Variants in CADPS observed in about 807,000 individuals in gnomAD.
CADPS encodes the protein calcium dependent secretion activator, also known as calcium-dependent secretion activator 1.
Under a neutral mutation model 167.3 loss-of-function variants are expected in CADPS, and 57 were observed. The ratio of observed to expected loss-of-function variants is 0.34; its 90% CI spans 0.28 to 0.42. The LOEUF is 0.42. Ranked by LOEUF, CADPS falls within the 20% of genes least tolerant of loss-of-function variation. The pLI, the probability that CADPS is intolerant of heterozygous loss-of-function variation, is 1.00. For missense variants in CADPS, 1,414 were observed against 1,738.1 expected (o/e 0.81, Z 3.32); for synonymous variants, 676 against 635.3 (o/e 1.06, Z -0.96).
intron 17 of CADPS, among the ~76,000 whole-genome samples, chr3:62,511,265 G>GC (rs1577030902): frequency 6.6e-6 from 1 of 152,068 alleles, no homozygotes; most frequent in East Asian, 1.9e-4. Context: ...TGCCTACCTT[G>GC]CCATCATCAG....
rs1216619555 is a variant in CADPS, at chr3:62,727,704, T to C, written c.888+25737A>G. Among the ~76,000 whole-genome samples, 6 of 146,510 alleles carry C rather than the reference T, an allele frequency of 4.1e-5. No homozygotes were observed. The East Asian group carries it at 9.8e-4, about 24-fold the overall frequency. On this transcript the variant is annotated intron_variant, in intron 3 of 29. Transcript: ENST00000383710. The stretch of plus-strand genomic sequence containing the variant: ...AACCATGGGAGGCCTCTTATAACCA[T>C]TGTCTTGAGGGACAGAACTACCATT...
At chr3:62,692,324 C>T (rs1465801783) in intron 3 of CADPS, among the ~76,000 whole-genome samples, 1 of 151,920 alleles carries the variant, frequency 6.6e-6, no homozygotes, top group African/African-American at 2.4e-5. Flanking sequence ...ATAAGAATCA[C>T]TGAGGTGAAA....
chr3:62,564,766 C>T (rs2079828646), intron 9 of CADPS, among the ~76,000 whole-genome samples: 1 of 151,728 alleles, frequency 6.6e-6, no homozygotes, highest in South Asian at 2.1e-4. Flanking sequence ...GCCACCATGC[C>T]CAGGTAATTT....
At chr3:62,650,456 G>A (rs2069807498) in intron 5 of CADPS, among the ~76,000 whole-genome samples, 1 of 152,178 alleles carries the variant, frequency 6.6e-6, no homozygotes, top group African/African-American at 2.4e-5. Context: ...CTACCTTGTA[G>A]CCAACAGGAA....
chr3:62,500,016 T>A (rs1352531671), intron 17 of CADPS: 2 of 152,264 alleles, frequency 1.3e-5, no homozygotes, highest in Admixed American at 1.3e-4. Context: ...ATCTGAACCC[T>A]GGCTTATGTT....
chr3:62,620,498 A>C (rs1220194410), intron 6 of CADPS, among the ~76,000 whole-genome samples: 1 of 152,192 alleles, frequency 6.6e-6, no homozygotes, highest in Non-Finnish European at 1.5e-5. Flanking sequence ...GCACTGTATG[A>C]AACACTTCAA....
intron 1 of CADPS, among the ~76,000 whole-genome samples, chr3:62,826,602 A>T (rs1353768604): frequency 6.6e-6 from 1 of 152,174 alleles, no homozygotes; most frequent in African/African-American, 2.4e-5. Flanking sequence ...TTTAAATATC[A>T]TCCTTGATGG....
intron 3 of CADPS, among the ~76,000 whole-genome samples, chr3:62,680,427 A>G (rs1303204165): frequency 6.6e-6 from 1 of 152,064 alleles, no homozygotes; most frequent in Non-Finnish European, 1.5e-5. Flanking sequence ...TGGCTCTTCC[A>G]GGCATTTAGG....
chr3:62,674,416 A>T (rs1323112221), intron 3 of CADPS, among the ~76,000 whole-genome samples: 1 of 152,178 alleles, frequency 6.6e-6, no homozygotes, highest in Non-Finnish European at 1.5e-5. Context: ...ATGTATCATT[A>T]TCTCATTTTG....
At chr3:62,695,536 G>T (rs1480695883) in intron 3 of CADPS, among the ~76,000 whole-genome samples, 6 of 152,122 alleles carry the variant, frequency 3.9e-5, no homozygotes, top group Non-Finnish European at 7.4e-5. Context: ...CTCTCTAAGG[G>T]TTGGTACCTG....
chr3:62,565,873 G>C (rs1229356949), intron 9 of CADPS, among the ~76,000 whole-genome samples: 3 of 152,182 alleles, frequency 2.0e-5, no homozygotes, highest in Non-Finnish European at 4.4e-5. Flanking sequence ...CTCAGTCAGG[G>C]AGAATTTTAA....
rs1475758257 is a variant in CADPS, at chr3:62,491,383, T to C, written c.2982A>G (p.Gln994=). 1.9e-6 allele frequency: 3 copies of C among 1,614,158 alleles called. No homozygotes were observed. The highest frequency in any genetic ancestry group is 2.5e-6 in the Non-Finnish European group (3 of 1,180,002). Residue 994 remains glutamine, a synonymous_variant, in exon 21 of 30, where the codon CAA becomes CAG. Transcript: ENST00000383710. Reference sequence around the variant, plus strand: ...CCCGCTCAAAGCCCCTGTGAATGGATTGTGCAATTGAGGACTCCATCAGAT... The same window carrying C: ...CCCGCTCAAAGCCCCTGTGAATGGACTGTGCAATTGAGGACTCCATCAGAT... ...YVDLMESSIA[Q]SIHRGFERES...
At chr3:62,848,460 G>A (rs1441613988) in intron 1 of CADPS, among the ~76,000 whole-genome samples, 25 of 120,506 alleles carry the variant, frequency 2.1e-4, no homozygotes, top group African/African-American at 8.0e-4. Context: ...TTTTGTATAA[G>A]GTGTAAGGAA....
At chr3:62,484,050 A>G (rs1367253146) in intron 21 of CADPS, among the ~76,000 whole-genome samples, 1 of 152,060 alleles carries the variant, frequency 6.6e-6, no homozygotes, top group Non-Finnish European at 1.5e-5. Context: ...TTTGCACACA[A>G]AAATAAAAAA....
chr3:62,874,584 C>T lies in CADPS; in HGVS notation c.441+5G>A. ...CTGCTCCCTGGGCCTCCCAGGCGCA[C>T]CTACCTTCTGCTGCCGGCGAGCCAT... On this transcript the variant is annotated splice_donor_5th_base_variant and intron_variant, in intron 1 of 29. Coordinates refer to ENST00000383710, the MANE Select transcript of CADPS (RefSeq NM_003716.4). The surrounding 1 kb of genome is among the most constrained non-coding windows in gnomAD (Gnocchi z 7.1). 1 of 1,546,446 alleles carries T rather than the reference C, an allele frequency of 6.5e-7. No individual in the cohort carries two copies. The highest frequency in any genetic ancestry group is 8.7e-7 in the Non-Finnish European group (1 of 1,144,390).
chr3:62,752,142 G>A (rs1036616183), intron 3 of CADPS, among the ~76,000 whole-genome samples: 1 of 152,178 alleles, frequency 6.6e-6, no homozygotes, highest in Non-Finnish European at 1.5e-5. Flanking sequence ...TCTTGTGGTG[G>A]AAATGCTGGT....
intron 1 of CADPS, among the ~76,000 whole-genome samples, chr3:62,793,519 C>G (rs574837395): frequency 1.3e-5 from 2 of 152,104 alleles, no homozygotes; most frequent in Non-Finnish European, 2.9e-5. Context: ...GAATGTGGAC[C>G]TTTTGATATA....
At chr3:62,808,172 C>T (rs767698210) in intron 1 of CADPS, among the ~76,000 whole-genome samples, 12 of 152,048 alleles carry the variant, frequency 7.9e-5, no homozygotes, top group Non-Finnish European at 1.2e-4. Flanking sequence ...TGCACCCAGC[C>T]TCAATTTGAT....
chr3:62,851,743 A>G (rs866921698), intron 1 of CADPS, among the ~76,000 whole-genome samples: 2 of 147,188 alleles, frequency 1.4e-5, no homozygotes, highest in Non-Finnish European at 1.5e-5. Flanking sequence ...GAATCTGACA[A>G]TTATGTGTCT....
Sources: allele counts gnomAD v4.1 joint callset (sites outside exome capture counted in the v4.1 genomes callset), GRCh38; gene constraint gnomAD v4.1.1; non-coding constraint Gnocchi (gnomAD v3.1); transcripts MANE v1.5; gene names NCBI Gene and HGNC (gene_info 2026-07-23, HGNC 2026-07-21).